The following MDM1 variants were observed in gnomAD, a reference collection of about 807,000 sequenced individuals.
The protein encoded by MDM1 is stabilizer of axonemal microtubules 6, also known as Mdm1 nuclear protein.
In MDM1, 61 loss-of-function variants were observed where a neutral mutation model predicts 89.1. That is an observed-to-expected ratio of 0.68 (90% CI 0.56 to 0.85). The LOEUF (loss-of-function observed/expected upper bound fraction) is 0.85, where lower values mean the gene tolerates loss of function less well. MDM1 is among the 40% of genes least tolerant of loss of function. MDM1 has a pLI of 0.00. For synonymous variants in MDM1, 290 were observed against 294.1 expected (o/e 0.99, Z 0.14); for missense variants, 820 against 846.5 (o/e 0.97, Z 0.39).
At chr12:68,311,139 T>C (rs1873617728) in intron 12 of MDM1, among the ~76,000 whole-genome samples, 3 of 152,198 alleles carry the variant, frequency 2.0e-5, no homozygotes, top group African/African-American at 7.2e-5. Context: ...TTTCTCACTT[T>C]GTCTTATTCT....
Position 68,316,679 on chromosome 12 carries a change from A to C in MDM1, c.1006-69T>G, listed in dbSNP as rs980732672. On this transcript the variant is annotated intron_variant, in intron 7 of 14. Transcript: ENST00000682720. ...CATAATTGAATATTAATGGGAATCA[A>C]TGAAACACATTATTCTCCCTTCTAA... is the stretch of plus-strand genomic sequence containing the variant. The C allele has an allele frequency of 1.7e-5, 20 of 1,163,482 alleles. No homozygotes were observed. In the East Asian group the frequency reaches 4.6e-4, roughly 27 times the overall value. 72.1% of individuals were successfully genotyped at this position (1,163,482 alleles called of 1,614,324 possible).
chr12:68,295,946 A>G (rs1035998297), intron 14 of MDM1, among the ~76,000 whole-genome samples: 8 of 152,344 alleles, frequency 5.3e-5, no homozygotes, highest in African/African-American at 1.9e-4. Context: ...GACTGGATTC[A>G]AAGTTGTCAG....
At chr12:68,310,402 CA>C (rs778530632) in intron 12 of MDM1, among the ~76,000 whole-genome samples, 2 of 152,154 alleles carry the variant, frequency 1.3e-5, no homozygotes, top group Non-Finnish European at 2.9e-5. Flanking sequence ...ATTAATTCCA[CA>C]GTAAGTGAAA....
At chr12:68,310,556 T>A (rs536953546) in intron 12 of MDM1, among the ~76,000 whole-genome samples, 2 of 152,210 alleles carry the variant, frequency 1.3e-5, no homozygotes, top group Non-Finnish European at 2.9e-5. Flanking sequence ...TCCATTAAGA[T>A]CTGATTCTCA....
chr12:68,329,177 T>G (rs952733030), intron 2 of MDM1, among the ~76,000 whole-genome samples: 1 of 152,186 alleles, frequency 6.6e-6, no homozygotes, highest in Non-Finnish European at 1.5e-5. Flanking sequence ...TCTGGTCATT[T>G]GTAAAAAGAG....
chr12:68,307,032 G>A (rs564196259), intron 12 of MDM1, among the ~76,000 whole-genome samples: 1 of 152,296 alleles, frequency 6.6e-6, no homozygotes, highest in Admixed American at 6.5e-5. Context: ...ATGAAATCAT[G>A]TCCACTGCAA....
rs1473390887 is a variant in MDM1 at position 68,315,020 on chromosome 12, T to C, written c.1457A>G (p.Lys486Arg). The part of the protein sequence containing the change: ...NEEEGDRKTG[K>R]QAFMGEQEKL... ...CTCTTGCTCTCCCATAAAAGCCTGCTTGCCCGTTTTCCTGTCCCCTTCCTC... is the reference window on the plus strand; with the variant it reads ...CTCTTGCTCTCCCATAAAAGCCTGCCTGCCCGTTTTCCTGTCCCCTTCCTC... The change falls in exon 10 of 15, where the codon AAG becomes AGG. Residue 486 changes from lysine (K) to arginine (R), a missense_variant. Lys to Arg is a conservative substitution (Grantham distance 26). Coordinates refer to ENST00000682720, the MANE Select transcript of MDM1 (RefSeq NM_001354969.2). 5 of 1,614,066 alleles carry C rather than the reference T, an allele frequency of 3.1e-6. No homozygotes were observed. The highest frequency in any genetic ancestry group is 4.2e-6 in the Non-Finnish European group (5 of 1,180,046).
chr12:68,311,560 G>A (rs1025737578), intron 12 of MDM1, among the ~76,000 whole-genome samples: 1 of 152,142 alleles, frequency 6.6e-6, no homozygotes, highest in African/African-American at 2.4e-5. Flanking sequence ...AACAATCAGT[G>A]TCTAAAGCCA....
intron 2 of MDM1, 118 bp downstream of exon 2, chr12:68,330,989 C>T (rs1593000479): frequency 3.0e-6 from 2 of 668,580 alleles, no homozygotes; most frequent in East Asian, 5.0e-5. Flanking sequence ...GCCAACTGAA[C>T]TTTTAATATA....
At chr12:68,300,965 G>C (rs565913646) in intron 13 of MDM1, among the ~76,000 whole-genome samples, 3 of 152,212 alleles carry the variant, frequency 2.0e-5, no homozygotes, top group Admixed American at 2.0e-4. Context: ...TATCTTCTCA[G>C]ACCACAGGGG....
chr12:68,314,817 T>C, intron 10 of MDM1, 131 bp downstream of exon 10: 1 of 787,834 alleles, frequency 1.3e-6, no homozygotes, highest in Non-Finnish European at 2.1e-6. Context: ...GTGCCTCCTT[T>C]GTGACATTGA....
In MDM1 at chr12:68,331,168, C is replaced by A. The variant is rs1231209109; in HGVS notation, c.72G>T (p.Glu24Asp). ...NFLWKKSYLS[E>D]SCNSSVGRKY... is the part of the protein sequence containing the mutation. ...TTCGCCCCACGGAGGAATTACAAGACTCGGACAAATAAGACTTTTTCCACA... is the reference window on the plus strand; with the variant it reads ...TTCGCCCCACGGAGGAATTACAAGAATCGGACAAATAAGACTTTTTCCACA... Residue 24 changes from glutamate (E) to aspartate (D), a missense_variant, in exon 2 of 15, where the codon GAG becomes GAT. Coordinates refer to ENST00000682720, the MANE Select transcript of MDM1 (RefSeq NM_001354969.2). 6.2e-7 allele frequency: 1 copy of A among 1,612,402 alleles called. No individual in the cohort carries two copies. Among genetic ancestry groups the A allele is most frequent in the East Asian group, 2.2e-5 (1 of 44,898 alleles).
rs138865100 is a variant in MDM1 at position 68,302,191 on chromosome 12, G to A, written c.2002+429C>T. ...CACACATAGAAGATCCAGAATAAAA[G>A]GAGCATCTGACTTCTTAACATTAAC... On this transcript the variant is annotated intron_variant, in intron 13 of 14. Coordinates refer to ENST00000682720, the MANE Select transcript of MDM1 (RefSeq NM_001354969.2). 3.6e-3 allele frequency among the ~76,000 whole-genome samples: 543 copies of A among 152,292 alleles called. 3 individuals are homozygous for A. The highest frequency in any genetic ancestry group is 5.0e-3 in the Non-Finnish European group (340 of 68,030).
At position 68,313,718 on chromosome 12, in the gene MDM1, C is replaced by T. The variant is rs375228008; in HGVS notation, c.1565G>A (p.Arg522Gln). 71 of 1,613,958 alleles carry T rather than the reference C, an allele frequency of 4.4e-5. No homozygotes were observed. Among genetic ancestry groups the T allele is most frequent in the African/African-American group, 6.7e-5 (5 of 74,888 alleles). Residue 522 changes from arginine to glutamine, a missense_variant, in exon 11 of 15, where the codon CGG becomes CAG. Coordinates refer to ENST00000682720, the MANE Select transcript of MDM1 (RefSeq NM_001354969.2). ...TTCTCTCAGCTTGGGAGTAGGAAGC[C>T]GGCCTCCTTTTTCTGAGGATACAGA... ...DSSVSSEKGGRLPTPKLRELG... is the reference protein window; with the variant it reads ...DSSVSSEKGGQLPTPKLRELG...
chr12:68,296,984 T>TG lies in MDM1; in HGVS notation c.2003-3_2003-2insC. ...AATTGTTCATCCTTGCTTTTCCCAC[T>TG]TAAAAAAAAAAAGGCAGAATAAATT... On this transcript the variant is annotated splice_region_variant and splice_polypyrimidine_tract_variant and intron_variant, in intron 13 of 14. Coordinates refer to ENST00000682720, the MANE Select transcript of MDM1 (RefSeq NM_001354969.2). 2 of 1,585,666 alleles carry TG rather than the reference T, an allele frequency of 1.3e-6. No individual in the cohort carries two copies. The highest frequency in any genetic ancestry group is 1.7e-6 in the Non-Finnish European group (2 of 1,169,532).
rs748872635 is a variant in MDM1, at chr12:68,327,030, C to A, written c.134-9G>T. ...TGGCTCTTTCGTGATGCCTACAAAA[C>A]ACGGTATACAAAAATAGTAGCTACT... On this transcript the variant is annotated splice_polypyrimidine_tract_variant and intron_variant, in intron 2 of 14. Transcript: ENST00000682720. The A allele has an allele frequency of 1.9e-6, 3 of 1,562,988 alleles. No homozygotes were observed. Among genetic ancestry groups the A allele is most frequent in the Non-Finnish European group, 1.7e-6 (2 of 1,161,988 alleles).
intron 14 of MDM1, among the ~76,000 whole-genome samples, chr12:68,295,626 C>T (rs1871276200): frequency 6.6e-6 from 1 of 151,990 alleles, no homozygotes; most frequent in African/African-American, 2.4e-5. Context: ...TCTTGAAATC[C>T]CGTCATTAAC....
At chr12:68,327,358 A>G in intron 2 of MDM1, 1 of 1,525,706 alleles carries the variant, frequency 6.6e-7, no homozygotes. Context: ...CTCGTTTCTA[A>G]TTACTTTCCT....
chr12:68,320,726 A>G (rs1054616751), intron 7 of MDM1, among the ~76,000 whole-genome samples: 1 of 152,228 alleles, frequency 6.6e-6, no homozygotes, highest in Non-Finnish European at 1.5e-5. Context: ...AAAAGTCAAG[A>G]TATGATTTGA....
Sources: allele counts gnomAD v4.1 joint callset (sites outside exome capture counted in the v4.1 genomes callset), GRCh38; gene constraint gnomAD v4.1.1; transcripts MANE v1.5; gene names NCBI Gene and HGNC (gene_info 2026-07-23, HGNC 2026-07-21).